Variants in PFDN1 observed in about 807,000 individuals in gnomAD.
PFDN1 encodes the protein prefoldin 1.
A neutral mutation model predicts 17.3 loss-of-function variants in PFDN1; 6 were observed. The observed-to-expected ratio is 0.35, with a 90% confidence interval of 0.19 to 0.69. PFDN1 has a LOEUF of 0.69. Ranked by LOEUF, PFDN1 falls within the 30% of genes least tolerant of loss-of-function variation. The pLI is 0.65. For synonymous variants in PFDN1, 58 were observed against 50.1 expected, an observed-to-expected ratio of 1.16 and a Z score of -0.67; for missense variants, 113 against 146.2, an observed-to-expected ratio of 0.77 and a Z score of 1.17.
intron 3 of PFDN1, among the ~76,000 whole-genome samples, chr5:140,270,016 T>C (rs1277678096): frequency 6.6e-6 from 1 of 152,218 alleles, no homozygotes; most frequent in Non-Finnish European, 1.5e-5. Flanking sequence ...GCATGCTTAT[T>C]AATAAAGGTG....
intron 3 of PFDN1, among the ~76,000 whole-genome samples, chr5:140,267,847 T>C (rs1490934422): frequency 1.3e-5 from 2 of 152,186 alleles, no homozygotes; most frequent in African/African-American, 2.4e-5. Flanking sequence ...CTTTAGAGTT[T>C]CATATAAAAA....
At chr5:140,293,032 G>C (rs1765601547) in intron 2 of PFDN1, 1 of 152,072 alleles carries the variant, frequency 6.6e-6, no homozygotes, top group Non-Finnish European at 1.5e-5. Flanking sequence ...TATGAGATAA[G>C]TGGCAGCTAA....
At chr5:140,281,657 C>T (rs1490266708) in intron 2 of PFDN1, 124 bp from the exon 3 acceptor site, 10 of 640,498 alleles carry the variant, frequency 1.6e-5, no homozygotes, top group South Asian at 5.1e-5. Flanking sequence ...TAACATAATA[C>T]GTCAAGCTCA....
intron 3 of PFDN1, 63 bp from the exon 4 acceptor site, chr5:140,246,120 G>T: frequency 2.1e-6 from 2 of 957,966 alleles, no homozygotes; most frequent in Non-Finnish European, 3.3e-6. Flanking sequence ...GGAAGACACA[G>T]CTTTGATGTC....
intron 3 of PFDN1, among the ~76,000 whole-genome samples, chr5:140,270,106 T>G (rs1040215228): frequency 6.6e-6 from 1 of 152,174 alleles, no homozygotes; most frequent in Non-Finnish European, 1.5e-5. Flanking sequence ...ACCTGTGATG[T>G]AAGAACAGAA....
chr5:140,262,031 CTCTGA>C (rs1360130586), intron 3 of PFDN1, among the ~76,000 whole-genome samples: 1 of 152,104 alleles, frequency 6.6e-6, no homozygotes, highest in Non-Finnish European at 1.5e-5. Flanking sequence ...ATGCTAATAG[CTCTGA>C]TCTAATAGCT....
At chr5:140,295,690 T>C (rs760360115) in intron 2 of PFDN1, among the ~76,000 whole-genome samples, 12 of 152,318 alleles carry the variant, frequency 7.9e-5, no homozygotes, top group South Asian at 6.2e-4. Context: ...GAGCTTACAG[T>C]ATATAGCAAT....
intron 3 of PFDN1, among the ~76,000 whole-genome samples, chr5:140,253,944 C>G (rs1441373614): frequency 3.3e-5 from 5 of 152,206 alleles, no homozygotes; most frequent in Admixed American, 3.3e-4. Context: ...TGGACTACAG[C>G]AATCTGTGTT....
intron 3 of PFDN1, among the ~76,000 whole-genome samples, chr5:140,269,404 C>T (rs1765174593): frequency 6.6e-6 from 1 of 151,874 alleles, no homozygotes; most frequent in South Asian, 2.1e-4. Flanking sequence ...CCGCAACCTC[C>T]ATCTCCCGGG....
rs536981148 is a variant in PFDN1, at chr5:140,269,556, T to C, written c.285+11893A>G. On this transcript the variant is annotated intron_variant, in intron 3 of 3. Transcript: ENST00000261813. ...CTGGTCTCGAACTCCTGACCTCAGA[T>C]CATCTGCCCGCCTTGGCCTCCCAAA... Among the ~76,000 whole-genome samples the C allele has an allele frequency of 2.0e-5, 3 of 152,224 alleles. No individual in the cohort carries two copies. In the East Asian group the frequency reaches 5.8e-4, roughly 29 times the overall value.
chr5:140,262,545 G>A (rs111229199), intron 3 of PFDN1: 25 of 456,178 alleles, frequency 5.5e-5, no homozygotes, highest in African/African-American at 3.8e-4. Flanking sequence ...GCACTCGACT[G>A]TTGAGTCCAC....
intron 3 of PFDN1, among the ~76,000 whole-genome samples, chr5:140,258,732 G>A (rs1004157446): frequency 6.6e-6 from 1 of 152,180 alleles, no homozygotes; most frequent in African/African-American, 2.4e-5. Flanking sequence ...ATACTGGCTT[G>A]AGGGTGCTGC....
intron 2 of PFDN1, chr5:140,292,872 C>T (rs1171476530): frequency 1.3e-5 from 2 of 152,060 alleles, no homozygotes; most frequent in Non-Finnish European, 1.5e-5. Flanking sequence ...TTACCAAGTG[C>T]GTGTTCATAT....
intron 2 of PFDN1, chr5:140,281,816 T>C (rs1027116841): frequency 1.0e-5 from 3 of 285,754 alleles, no homozygotes; most frequent in African/African-American, 4.6e-5. Flanking sequence ...GGTGGGAGGA[T>C]TGTTTGAGCC....
intron 3 of PFDN1, among the ~76,000 whole-genome samples, chr5:140,278,557 C>CAAAAAAAAAAAAAAAAAAAAA (rs113129230): frequency 7.6e-5 from 6 of 79,012 alleles, no homozygotes; most frequent in Admixed American, 1.6e-4. Flanking sequence ...GACTCTGTCT[C>CAAAAAAAAAAAAAAAAAAAAA]AAAAAAAAAA....
intron 2 of PFDN1, among the ~76,000 whole-genome samples, chr5:140,282,862 T>C (rs1765431477): frequency 6.6e-6 from 1 of 152,234 alleles, no homozygotes; most frequent in African/African-American, 2.4e-5. Flanking sequence ...TTCAATTTAA[T>C]ATTGCAATTA....
Position 140,259,140 on chromosome 5 carries a change from G to C in PFDN1, c.286-13083C>G, listed in dbSNP as rs78238825. ...TTGGATATGTTCAAATAGGAAGAGT[G>C]ACAACACGTCAGAAATGGTTGGGGG... On this transcript the variant is annotated intron_variant, in intron 3 of 3. Coordinates refer to ENST00000261813, the MANE Select transcript of PFDN1 (RefSeq NM_002622.5). 1.6e-3 allele frequency among the ~76,000 whole-genome samples: 245 copies of C among 152,276 alleles called. 3 individuals carry two copies. The highest frequency in any genetic ancestry group is 5.3e-3 in the African/African-American group (220 of 41,560).
intron 2 of PFDN1, among the ~76,000 whole-genome samples, chr5:140,285,351 A>C (rs1765471209): frequency 6.6e-6 from 1 of 151,678 alleles, no homozygotes; most frequent in Non-Finnish European, 1.5e-5. Flanking sequence ...CCATCTCAAA[A>C]AAAAAAAAAA....
intron 3 of PFDN1, among the ~76,000 whole-genome samples, chr5:140,277,576 A>T (rs1765315166): frequency 6.6e-6 from 1 of 152,116 alleles, no homozygotes; most frequent in Non-Finnish European, 1.5e-5. Context: ...ATAAAGAAAA[A>T]AATATTAGCC....
Sources: allele counts gnomAD v4.1 joint callset (sites outside exome capture counted in the v4.1 genomes callset), GRCh38; gene constraint gnomAD v4.1.1; transcripts MANE v1.5; gene names NCBI Gene and HGNC (gene_info 2026-07-23, HGNC 2026-07-21).